The following DPP6 variants were observed in gnomAD, a reference collection of about 807,000 sequenced individuals.
The protein encoded by DPP6 is dipeptidyl peptidase like 6.
Under a neutral mutation model 122.6 loss-of-function variants are expected in DPP6, and 69 were observed. The observed-to-expected ratio is 0.56, with a 90% CI of 0.46 to 0.69. The LOEUF (loss-of-function observed/expected upper bound fraction) is 0.69, where lower values mean the gene tolerates loss of function less well. Among genes scored for constraint, DPP6 ranks in the 30% least tolerant of loss-of-function variants. DPP6 has a pLI of 0.00. For synonymous variants in DPP6, 418 were observed against 433.1 expected (o/e 0.97, Z 0.43); for missense variants, 928 against 1,116.9 (o/e 0.83, Z 2.41).
At chr7:154,585,720 A>G (rs1832396486) in intron 5 of DPP6, among the ~76,000 whole-genome samples, 1 of 152,230 alleles carries the variant, frequency 6.6e-6, no homozygotes, top group Non-Finnish European at 1.5e-5. Flanking sequence ...CTTAGGAAAT[A>G]ATGACAAGAA....
chr7:154,279,823 A>C (rs138651137), intron 1 of DPP6, among the ~76,000 whole-genome samples: 1 of 152,358 alleles, frequency 6.6e-6, no homozygotes, highest in East Asian at 1.9e-4. Flanking sequence ...ATTTAGCTCT[A>C]AATCAAAAAC....
intron 8 of DPP6, among the ~76,000 whole-genome samples, chr7:154,746,676 ACTT>A (rs888805613): frequency 1.3e-5 from 2 of 152,202 alleles, no homozygotes; most frequent in African/African-American, 2.4e-5. Flanking sequence ...TCAATTTTCA[ACTT>A]CCCTATGCTG....
At chr7:153,919,318 C>T (rs890345857) in intron 1 of DPP6, among the ~76,000 whole-genome samples, 1 of 152,126 alleles carries the variant, frequency 6.6e-6, no homozygotes, top group Non-Finnish European at 1.5e-5. Context: ...CATGCAGCCT[C>T]CTGGGGCACC....
At chr7:154,409,036 C>T (rs988809994) in intron 1 of DPP6, among the ~76,000 whole-genome samples, 8 of 151,884 alleles carry the variant, frequency 5.3e-5, no homozygotes, top group Admixed American at 2.0e-4. Flanking sequence ...CCCAGCTGCT[C>T]GGAAGGCTGA....
chr7:154,566,038 A>T (rs951515867), intron 4 of DPP6, among the ~76,000 whole-genome samples: 1 of 152,164 alleles, frequency 6.6e-6, no homozygotes, highest in Admixed American at 6.5e-5. Context: ...TGTTTGTACT[A>T]TGAAGAAATT....
chr7:153,862,920 G>A, the DPP6 span, among the ~76,000 whole-genome samples: 76 of 152,094 alleles, frequency 5.0e-4, 2 homozygotes, highest in Middle Eastern at 6.8e-3. Context: ...AAATCAATAC[G>A]TGAGAAAAGA....
At chr7:153,827,067 GA>G in the DPP6 span, among the ~76,000 whole-genome samples, 14 of 149,716 alleles carry the variant, frequency 9.4e-5, no homozygotes, top group South Asian at 2.1e-4. Flanking sequence ...TGTTTGAAAA[GA>G]AAAAAAAATT....
intron 1 of DPP6, among the ~76,000 whole-genome samples, chr7:154,061,867 A>G (rs1801987535): frequency 8.6e-6 from 1 of 116,082 alleles, no homozygotes; most frequent in Non-Finnish European, 1.8e-5. Context: ...GGGCGGAGGC[A>G]CCCCCCGCGA....
intron 8 of DPP6, among the ~76,000 whole-genome samples, chr7:154,744,374 A>G (rs893615358): frequency 1.3e-5 from 2 of 152,304 alleles, no homozygotes; most frequent in Admixed American, 6.5e-5. Flanking sequence ...CCCAAACTTC[A>G]TCTCTTCCCC....
intron 1 of DPP6, among the ~76,000 whole-genome samples, chr7:154,142,472 C>G (rs1258984014): frequency 3.3e-5 from 5 of 152,182 alleles, no homozygotes; most frequent in Non-Finnish European, 7.3e-5. Flanking sequence ...CAATAAACAA[C>G]TTTTTTGTTA....
chr7:154,165,857 C>T (rs1371435771), intron 1 of DPP6, among the ~76,000 whole-genome samples: 2 of 152,066 alleles, frequency 1.3e-5, no homozygotes, highest in Non-Finnish European at 2.9e-5. Flanking sequence ...TATTTTATTC[C>T]TCAGAAAGAA....
chr7:154,306,444 A>G lies in DPP6; in HGVS notation c.244-139770A>G, dbSNP rs367645342. Among the ~76,000 whole-genome samples, 11 of 152,228 alleles carry G rather than the reference A, an allele frequency of 7.2e-5. No individual in the cohort carries two copies. The East Asian group carries it at 1.7e-3, about 24-fold the overall frequency. On this transcript the variant is annotated intron_variant, in intron 1 of 25. Transcript: ENST00000377770. Reference sequence around the variant, plus strand: ...ATAGATTCACAAAGCAGTTTGCTCAAGCGTGGTAAATCAACAGCTTAAGCT... The same window carrying G: ...ATAGATTCACAAAGCAGTTTGCTCAGGCGTGGTAAATCAACAGCTTAAGCT...
chr7:154,510,940 A>G (rs1483228842), intron 3 of DPP6, among the ~76,000 whole-genome samples: 3 of 8,602 alleles, frequency 3.5e-4, no homozygotes, highest in South Asian at 3.1e-3. Flanking sequence ...ACACATGCAC[A>G]CACACACACA....
chr7:154,464,971 A>G (rs1217379647), intron 2 of DPP6, among the ~76,000 whole-genome samples: 2 of 152,244 alleles, frequency 1.3e-5, no homozygotes, highest in Non-Finnish European at 2.9e-5. Context: ...TAACTTATAA[A>G]TTAGGTGCAG....
At chr7:154,693,061 G>C (rs1180836040) in intron 7 of DPP6, among the ~76,000 whole-genome samples, 1 of 152,130 alleles carries the variant, frequency 6.6e-6, no homozygotes, top group Non-Finnish European at 1.5e-5. Flanking sequence ...CAAAGTGCTG[G>C]GATTACAGGT....
At chr7:154,024,785 C>T (rs1173576495) in intron 1 of DPP6, among the ~76,000 whole-genome samples, 1 of 152,234 alleles carries the variant, frequency 6.6e-6, no homozygotes, top group Non-Finnish European at 1.5e-5. Flanking sequence ...GTGAGATCTG[C>T]ATGCTGCCAC....
At chr7:154,127,309 T>C (rs1307114915) in intron 1 of DPP6, among the ~76,000 whole-genome samples, 2 of 152,170 alleles carry the variant, frequency 1.3e-5, no homozygotes, top group Non-Finnish European at 2.9e-5. Context: ...AATATAACCA[T>C]TTTTCTTTTG....
chr7:153,857,083 TAAAATGCTCCA>T, the DPP6 span, among the ~76,000 whole-genome samples: 1 of 150,720 alleles, frequency 6.6e-6, no homozygotes, highest in Non-Finnish European at 1.5e-5. Flanking sequence ...AATATGAAAG[TAAAATGCTCCA>T]AATTAATACC....
intron 2 of DPP6, among the ~76,000 whole-genome samples, chr7:154,450,771 G>A (rs1204192886): frequency 2.0e-5 from 3 of 152,154 alleles, no homozygotes; most frequent in Non-Finnish European, 4.4e-5. Flanking sequence ...TTATGGTGGT[G>A]GTGCTGATGA....
Sources: allele counts gnomAD v4.1 joint callset (sites outside exome capture counted in the v4.1 genomes callset), GRCh38; gene constraint gnomAD v4.1.1; transcripts MANE v1.5; gene names NCBI Gene and HGNC (gene_info 2026-07-23, HGNC 2026-07-21).